MTPN: variants seen among roughly 807,000 people sequenced by gnomAD.
MTPN encodes the protein myotrophin, also known as granule cell differentiation protein.
Under a neutral mutation model 13.5 loss-of-function variants are expected in MTPN, and 2 were observed. The ratio of observed to expected loss-of-function variants is 0.15; its 90% CI spans 0.06 to 0.47. The LOEUF is 0.47. Among genes scored for constraint, MTPN ranks in the 20% least tolerant of loss-of-function variants. The probability of loss-of-function intolerance (pLI) is 0.97; values close to 1 mark genes in which losing one functional copy is unlikely to be tolerated. For synonymous variants in MTPN, 46 were observed against 51.7 expected (o/e 0.89, Z 0.48); for missense variants, 79 against 137.9 (o/e 0.57, Z 2.14).
chr7:135,977,230 T>C lies in MTPN; in HGVS notation c.-130A>G, dbSNP rs2116422805. On this transcript the variant is annotated 5_prime_UTR_variant, in exon 1 of 4. Coordinates refer to ENST00000393085, the MANE Select transcript of MTPN (RefSeq NM_145808.4). ...GAGAGGAGAAGAAGAGAAGGAGGGTTAGGCTGCCAGGCGGGCGAGGCAGTT... is the reference window on the plus strand; with the variant it reads ...GAGAGGAGAAGAAGAGAAGGAGGGTCAGGCTGCCAGGCGGGCGAGGCAGTT... 1 of 908,514 alleles carries C rather than the reference T, an allele frequency of 1.1e-6. No homozygotes were observed. Among genetic ancestry groups the C allele is most frequent in the East Asian group, 2.5e-5 (1 of 40,756 alleles). 56.3% of individuals were successfully genotyped at this position (908,514 alleles called of 1,614,324 possible). A position where few individuals can be genotyped will look rare whatever the true frequency, so the allele number is the denominator to read the frequency against.
intron 3 of MTPN, among the ~76,000 whole-genome samples, chr7:135,941,061 TTAC>T (rs1799201302): frequency 6.6e-6 from 1 of 152,180 alleles, no homozygotes; most frequent in African/African-American, 2.4e-5. Context: ...CCCCAAATGT[TTAC>T]TACCTGGCCC....
chr7:135,956,951 G>A (rs1799451349), intron 1 of MTPN, among the ~76,000 whole-genome samples: 2 of 152,032 alleles, frequency 1.3e-5, no homozygotes, highest in Admixed American at 6.6e-5. Context: ...CTCTAATTTG[G>A]CTTCCACCCT....
intron 1 of MTPN, among the ~76,000 whole-genome samples, chr7:135,976,343 T>G (rs1477796021): frequency 1.3e-5 from 2 of 152,258 alleles, no homozygotes; most frequent in East Asian, 1.9e-4. Context: ...AAGAATGGAA[T>G]AACTGAAGTT....
chr7:135,963,000 C>T (rs1799548960), intron 1 of MTPN, among the ~76,000 whole-genome samples: 1 of 152,002 alleles, frequency 6.6e-6, no homozygotes, highest in Non-Finnish European at 1.5e-5. Flanking sequence ...AGATCAGTGT[C>T]CCAAAAGCTA....
At position 135,950,656 on chromosome 7, in the gene MTPN, A is replaced by G. The variant is rs35513241; in HGVS notation, c.213T>C (p.Pro71=). The change falls in exon 3 of 4, where the codon CCT becomes CCC. Residue 71 remains proline (P), a synonymous_variant. Transcript: ENST00000393085. ...INAPDKHHIT[P]LLSAVYEGHV... Reference sequence around the variant, plus strand: ...GACCCTCATAGACAGCAGACAGAAGAGGAGTAATATGATGTTTATCTGGAG... The same window carrying G: ...GACCCTCATAGACAGCAGACAGAAGGGGAGTAATATGATGTTTATCTGGAG... 9.8e-3 allele frequency: 15,864 copies of G among 1,612,652 alleles called. 122 individuals carry two copies. Among genetic ancestry groups the G allele is most frequent in the African/African-American group, 0.037 (2,778 of 74,970 alleles).
At chr7:135,940,079 C>T (rs1264432416) in intron 3 of MTPN, among the ~76,000 whole-genome samples, 1 of 152,140 alleles carries the variant, frequency 6.6e-6, no homozygotes, top group African/African-American at 2.4e-5. Context: ...TTAGAACAGT[C>T]TTGAGAAACT....
intron 1 of MTPN, among the ~76,000 whole-genome samples, chr7:135,972,462 G>C (rs1269757633): frequency 6.6e-6 from 1 of 152,328 alleles, no homozygotes; most frequent in African/African-American, 2.4e-5. Flanking sequence ...ACCTGACAAT[G>C]TAAGTCATCC....
intron 1 of MTPN, among the ~76,000 whole-genome samples, chr7:135,967,687 C>T (rs756469635): frequency 1.3e-5 from 2 of 152,152 alleles, no homozygotes; most frequent in Non-Finnish European, 2.9e-5. Flanking sequence ...CTAGCACTCA[C>T]CATATGCCAG....
chr7:135,940,591 C>T lies in MTPN; in HGVS notation c.270+10008G>A, dbSNP rs188852070. Among the ~76,000 whole-genome samples the T allele has an allele frequency of 3.4e-4, 52 of 152,312 alleles. 2 individuals are homozygous for T. In the South Asian group the frequency reaches 3.9e-3, roughly 12 times the overall value. ...TAACTCCATTTTGTAGACAGGCTCT[C>T]AAGCTCAGTTAAGAAACTTGCCCAA... is the stretch of plus-strand genomic sequence containing the variant. On this transcript the variant is annotated intron_variant, in intron 3 of 3. Transcript: ENST00000393085.
chr7:135,931,203 A>G (rs1000902253), intron 3 of MTPN, among the ~76,000 whole-genome samples: 4 of 152,186 alleles, frequency 2.6e-5, no homozygotes, highest in African/African-American at 7.2e-5. Flanking sequence ...AAAGGACTGG[A>G]GAATCAAAGA....
intron 1 of MTPN, among the ~76,000 whole-genome samples, chr7:135,966,355 C>T (rs1799604501): frequency 6.6e-6 from 1 of 152,096 alleles, no homozygotes; most frequent in Non-Finnish European, 1.5e-5. Flanking sequence ...CAGCAGAGTA[C>T]CAGTTATTTA....
intron 3 of MTPN, among the ~76,000 whole-genome samples, chr7:135,948,437 A>C (rs1799316050): frequency 1.3e-5 from 2 of 152,164 alleles, no homozygotes; most frequent in South Asian, 4.1e-4. Flanking sequence ...TCAGACACAA[A>C]AGAACAAAAT....
intron 1 of MTPN, among the ~76,000 whole-genome samples, chr7:135,972,006 T>C (rs1029813261): frequency 3.3e-5 from 5 of 152,188 alleles, no homozygotes; most frequent in Non-Finnish European, 1.5e-5. Context: ...TTTACAGAGA[T>C]GTTTGTCTCT....
intron 1 of MTPN, among the ~76,000 whole-genome samples, chr7:135,976,298 C>T (rs1333974071): frequency 6.6e-6 from 1 of 152,188 alleles, no homozygotes; most frequent in Non-Finnish European, 1.5e-5. Context: ...TTGCTATTTA[C>T]TACACATGTA....
chr7:135,947,151 C>T (rs1167638229), intron 3 of MTPN, among the ~76,000 whole-genome samples: 1 of 152,186 alleles, frequency 6.6e-6, no homozygotes, highest in East Asian at 1.9e-4. Flanking sequence ...CTAATTCACA[C>T]TAACTTCTTA....
At chr7:135,943,293 T>G (rs753531020) in intron 3 of MTPN, among the ~76,000 whole-genome samples, 1 of 152,188 alleles carries the variant, frequency 6.6e-6, no homozygotes, top group Non-Finnish European at 1.5e-5. Context: ...GGCACGCCAA[T>G]TTGCTTATGC....
At chr7:135,971,313 C>T (rs1373791831) in intron 1 of MTPN, among the ~76,000 whole-genome samples, 2 of 152,086 alleles carry the variant, frequency 1.3e-5, no homozygotes, top group East Asian at 3.9e-4. Context: ...TTAAAAGGGG[C>T]TATTTATCAA....
intron 3 of MTPN, chr7:135,932,154 T>C (rs2116339117): frequency 6.6e-6 from 1 of 152,250 alleles, no homozygotes; most frequent in South Asian, 2.1e-4. Context: ...AAAACCGAGA[T>C]GCTTATTTTC....
chr7:135,964,192 A>G (rs1799571573), intron 1 of MTPN, among the ~76,000 whole-genome samples: 1 of 152,048 alleles, frequency 6.6e-6, no homozygotes, highest in African/African-American at 2.4e-5. Flanking sequence ...ATATAACTTT[A>G]TCTTAACAAA....
Sources: gnomAD v4.1 joint callset for allele counts (sites outside exome capture counted in the v4.1 genomes callset) on GRCh38, gnomAD v4.1.1 for gene constraint, MANE v1.5 for transcripts, NCBI Gene and HGNC (gene_info 2026-07-23, HGNC 2026-07-21) for gene names.